MYO5B: variants seen among roughly 807,000 people sequenced by gnomAD.
MYO5B encodes the protein myosin VB, also known as unconventional myosin-Vb.
Under a neutral mutation model 229.3 loss-of-function variants are expected in MYO5B, and 143 were observed. That is an observed-to-expected ratio of 0.62 (90% CI 0.54 to 0.72). The LOEUF is 0.72. Ranked by LOEUF, MYO5B falls within the 30% of genes least tolerant of loss-of-function variation. The pLI, the probability that MYO5B is intolerant of heterozygous loss-of-function variation, is 0.00. For synonymous variants in MYO5B, 918 were observed against 885.2 expected, an observed-to-expected ratio of 1.04 and a Z score of -0.66; for missense variants, 2,321 against 2,331.0, an observed-to-expected ratio of 1.00 and a Z score of 0.09.
chr18:49,924,208 C>T, intron 17 of MYO5B, among the ~76,000 whole-genome samples: 1 of 152,184 alleles, frequency 6.6e-6, no homozygotes, highest in East Asian at 1.9e-4. Context: ...GAGATAGACA[C>T]ATTCTACCCA....
At chr18:50,155,060 T>A (rs1163482984) in intron 1 of MYO5B, among the ~76,000 whole-genome samples, 1 of 152,212 alleles carries the variant, frequency 6.6e-6, no homozygotes, top group Non-Finnish European at 1.5e-5. Context: ...CTCGGACAAA[T>A]TTGAAAAATA....
At chr18:49,897,875 C>T (rs1421282390) in intron 21 of MYO5B, among the ~76,000 whole-genome samples, 1 of 152,110 alleles carries the variant, frequency 6.6e-6, no homozygotes, top group Non-Finnish European at 1.5e-5. Flanking sequence ...ATGTCCTGGA[C>T]CTTCACATTC....
chr18:50,178,787 T>C lies in MYO5B; in HGVS notation c.27+15980A>G, dbSNP rs189647551. 1.9e-4 allele frequency among the ~76,000 whole-genome samples: 29 copies of C among 152,350 alleles called. No homozygotes were observed. The East Asian group carries it at 3.3e-3, about 17-fold the overall frequency. ...CAATTCAGATGGACATCTTCGCATC[T>C]GTCCCATTAACTAAGAACTCTCTCC... On this transcript the variant is annotated intron_variant, in intron 1 of 39. Coordinates refer to ENST00000285039, the MANE Select transcript of MYO5B (RefSeq NM_001080467.3).
chr18:49,841,552 T>A (rs1363607152), intron 34 of MYO5B, 98 bp from the exon 35 acceptor site: 2 of 1,146,258 alleles, frequency 1.7e-6, no homozygotes, highest in Non-Finnish European at 2.6e-6. Context: ...CCTTACCTAG[T>A]GTTCCTGAGC....
Position 49,969,513 on chromosome 18 carries a change from G to A in MYO5B, c.1322+4837C>T, listed in dbSNP as rs117252330. Among the ~76,000 whole-genome samples the A allele has an allele frequency of 1.1e-3, 174 of 152,100 alleles. 1 individual carries two copies. The East Asian group carries it at 0.025, about 22-fold the overall frequency. ...TAAATGAATATGTAAAACACATTCC[G>A]CCTGCTCCCACACTGTGGCGTGTAC... On this transcript the variant is annotated intron_variant, in intron 10 of 39. Coordinates refer to ENST00000285039, the MANE Select transcript of MYO5B (RefSeq NM_001080467.3).
chr18:49,887,806 G>A (rs890647038), intron 22 of MYO5B, among the ~76,000 whole-genome samples: 66 of 151,992 alleles, frequency 4.3e-4, no homozygotes, highest in African/African-American at 1.5e-3. Context: ...TCAGCCTCCT[G>A]AGTAGCTGCG....
chr18:50,078,583 A>G (rs1674846547), intron 1 of MYO5B, among the ~76,000 whole-genome samples: 1 of 152,240 alleles, frequency 6.6e-6, no homozygotes, highest in Non-Finnish European at 1.5e-5. Context: ...TAATGCCTAA[A>G]AGAAAAGAAA....
intron 1 of MYO5B, among the ~76,000 whole-genome samples, chr18:50,062,163 A>G (rs934765091): frequency 2.0e-5 from 3 of 147,332 alleles, no homozygotes; most frequent in Non-Finnish European, 3.0e-5. Flanking sequence ...GTAATTACAC[A>G]TGAAAAAAAA....
At chr18:50,096,442 C>G (rs990047687) in intron 1 of MYO5B, among the ~76,000 whole-genome samples, 4 of 152,142 alleles carry the variant, frequency 2.6e-5, no homozygotes, top group East Asian at 1.9e-4. Flanking sequence ...CCTCTCCCCC[C>G]TCCAATCCAT....
chr18:50,151,088 A>G (rs1417389960), intron 1 of MYO5B, among the ~76,000 whole-genome samples: 1 of 152,154 alleles, frequency 6.6e-6, no homozygotes, highest in African/African-American at 2.4e-5. Context: ...CTCTTGGGTC[A>G]AGCTTCTGGT....
chr18:50,173,562 C>T (rs138593218), intron 1 of MYO5B, among the ~76,000 whole-genome samples: 68 of 152,204 alleles, frequency 4.5e-4, no homozygotes, highest in East Asian at 1.3e-3. Flanking sequence ...TTCCATTATG[C>T]GGGCCAGAGA....
intron 31 of MYO5B, among the ~76,000 whole-genome samples, chr18:49,851,626 C>T (rs544501978): frequency 2.0e-5 from 3 of 152,254 alleles, no homozygotes; most frequent in African/African-American, 7.2e-5. Context: ...CTGAAGATGG[C>T]GCTAAACTTT....
chr18:49,958,154 T>G (rs1020109055), intron 12 of MYO5B, among the ~76,000 whole-genome samples: 2 of 152,230 alleles, frequency 1.3e-5, no homozygotes, highest in African/African-American at 2.4e-5. Flanking sequence ...TCAACTCATC[T>G]TCCTTTAACC....
chr18:49,984,381 T>G (rs564732001), intron 8 of MYO5B, among the ~76,000 whole-genome samples: 1 of 152,334 alleles, frequency 6.6e-6, no homozygotes, highest in South Asian at 2.1e-4. Flanking sequence ...AGAGCACACT[T>G]GAGCCCAGAC....
chr18:49,918,189 T>C (rs138716456), intron 17 of MYO5B, among the ~76,000 whole-genome samples: 4 of 152,340 alleles, frequency 2.6e-5, no homozygotes, highest in African/African-American at 9.6e-5. Flanking sequence ...GTGCAAATAT[T>C]CTGCAGAACA....
intron 34 of MYO5B, among the ~76,000 whole-genome samples, chr18:49,842,300 G>A (rs2024067802): frequency 6.6e-6 from 1 of 152,182 alleles, no homozygotes; most frequent in Admixed American, 6.5e-5. Flanking sequence ...AGAGCCACGA[G>A]CATGCAGATA....
At chr18:50,040,015 A>T in intron 3 of MYO5B, 128 bp downstream of exon 3, 1 of 1,060,654 alleles carries the variant, frequency 9.4e-7, no homozygotes, top group Non-Finnish European at 1.5e-6. Context: ...AAACCTTTCA[A>T]GGGTCTCAGT....
intron 1 of MYO5B, among the ~76,000 whole-genome samples, chr18:50,119,846 A>T (rs1025548977): frequency 3.3e-5 from 5 of 152,232 alleles, no homozygotes; most frequent in African/African-American, 1.2e-4. Context: ...AGGAAAAAAA[A>T]TTAGTTTGCT....
chr18:50,173,850 TC>T (rs1312168196), intron 1 of MYO5B, among the ~76,000 whole-genome samples: 4 of 152,166 alleles, frequency 2.6e-5, no homozygotes, highest in African/African-American at 7.2e-5. Context: ...CCATTTCACT[TC>T]CTGTAATGGG....
Sources: gnomAD v4.1 joint callset for allele counts (sites outside exome capture counted in the v4.1 genomes callset) on GRCh38, gnomAD v4.1.1 for gene constraint, MANE v1.5 for transcripts, NCBI Gene and HGNC (gene_info 2026-07-23, HGNC 2026-07-21) for gene names.